Variants in PLEKHD1 observed in about 807,000 individuals in gnomAD.
PLEKHD1 encodes the protein pleckstrin homology domain-containing family D member 1.
Under a neutral mutation model 69.2 loss-of-function variants are expected in PLEKHD1, and 51 were observed. The observed-to-expected ratio is 0.74, with a 90% CI of 0.59 to 0.93. The LOEUF is 0.93. Ranked by LOEUF, PLEKHD1 falls within the 40% of genes least tolerant of loss-of-function variation. The probability of loss-of-function intolerance (pLI) is 0.00; values close to 1 mark genes in which losing one functional copy is unlikely to be tolerated. For missense variants in PLEKHD1, 584 were observed against 641.0 expected, an observed-to-expected ratio of 0.91 and a Z score of 0.96; for synonymous variants, 236 against 244.7, an observed-to-expected ratio of 0.96 and a Z score of 0.33.
intron 6 of PLEKHD1, among the ~76,000 whole-genome samples, chr14:69,503,995 G>A (rs555585575): frequency 6.6e-6 from 1 of 152,172 alleles, no homozygotes; most frequent in African/African-American, 2.4e-5. Context: ...CAGGCTGCCT[G>A]TATTTGTATT....
chr14:69,527,976 C>T lies in PLEKHD1; in HGVS notation c.1351+44C>T, dbSNP rs763207994. ...GTGCCCTGGTGGGATGGTGACAAGG[C>T]AGGAAGAGGGCAACATGGGGAGCCA... On this transcript the variant is annotated intron_variant, in intron 12 of 12. Transcript: ENST00000322564. 4.1e-5 allele frequency: 63 copies of T among 1,549,802 alleles called. No individual in the cohort carries two copies. In the Admixed American group the frequency reaches 9.8e-4, roughly 24 times the overall value.
chr14:69,484,934 G>T lies in PLEKHD1; in HGVS notation c.-32G>T, dbSNP rs1314108729. On this transcript the variant is annotated 5_prime_UTR_variant, in exon 1 of 13. Coordinates refer to ENST00000322564, the MANE Select transcript of PLEKHD1 (RefSeq NM_001161498.2). ...TCCCTGCTGACCCCGGGGAGGTGGGGTCCGGGCCGGGCACAGCCCCGCTGA... is the reference window on the plus strand; with the variant it reads ...TCCCTGCTGACCCCGGGGAGGTGGGTTCCGGGCCGGGCACAGCCCCGCTGA... 3.2e-6 allele frequency: 5 copies of T among 1,545,216 alleles called. No homozygotes were observed. The highest frequency in any genetic ancestry group is 1.4e-5 in the African/African-American group (1 of 73,060).
chr14:69,524,365 G>A (rs773470233), intron 8 of PLEKHD1, 43 bp downstream of exon 8: 1 of 1,503,046 alleles, frequency 6.7e-7, no homozygotes, highest in Admixed American at 2.0e-5. Context: ...TGGCAGGCTG[G>A]TTGGTTGGAC....
Position 69,530,825 on chromosome 14 carries a change from A to G in PLEKHD1, c.*2406A>G, listed in dbSNP as rs1391278538. 6.6e-6 allele frequency: 1 copy of G among 152,234 alleles called. No homozygotes were observed. The highest frequency in any genetic ancestry group is 2.4e-5 in the African/African-American group (1 of 41,454). 9.4% of individuals were successfully genotyped at this position (152,234 alleles called of 1,614,324 possible). On this transcript the variant is annotated 3_prime_UTR_variant, in exon 13 of 13. Transcript: ENST00000322564. The stretch of plus-strand genomic sequence containing the variant: ...CTTTTATAACAAACCCACCCCCTCG[A>G]TAATGACATTAATCCTTTCATAAGG...
Position 69,506,891 on chromosome 14 carries a change from C to CTTTTTTT in PLEKHD1, c.555+4034_555+4040dup, listed in dbSNP as rs1162412450. ...ACTGTCCTAAAAATCCTGGCAACTGCTTTTTTTTTTTTTTTTTTTTTTTTT... is the reference window on the plus strand; with the variant it reads ...ACTGTCCTAAAAATCCTGGCAACTGCTTTTTTTTTTTTTTTTTTTTTTTTTTTTTTTT... On this transcript the variant is annotated intron_variant, in intron 6 of 12. Transcript: ENST00000322564. Among the ~76,000 whole-genome samples the CTTTTTTT allele has an allele frequency of 3.0e-3, 232 of 78,054 alleles. 13 individuals carry two copies. Among genetic ancestry groups the CTTTTTTT allele is most frequent in the African/African-American group, 5.4e-3 (94 of 17,436 alleles). 51.2% of individuals were successfully genotyped at this position (78,054 alleles called of 152,430 possible).
At chr14:69,522,711 G>T (rs183278349) in intron 7 of PLEKHD1, among the ~76,000 whole-genome samples, 1 of 152,236 alleles carries the variant, frequency 6.6e-6, no homozygotes, top group Non-Finnish European at 1.5e-5. Context: ...AGAGGTGCTT[G>T]CTGTTGGCCA....
intron 6 of PLEKHD1, among the ~76,000 whole-genome samples, chr14:69,505,071 G>A (rs959092386): frequency 1.3e-5 from 2 of 152,146 alleles, no homozygotes; most frequent in African/African-American, 4.8e-5. Context: ...TTAGGACAGC[G>A]GAGACCCACT....
the PLEKHD1 span, among the ~76,000 whole-genome samples, chr14:69,468,161 A>G: frequency 6.6e-6 from 1 of 152,196 alleles, no homozygotes; most frequent in Non-Finnish European, 1.5e-5. Flanking sequence ...GACAAGGGAG[A>G]TAGTTCATGG....
At chr14:69,497,115 C>T (rs528813398) in intron 1 of PLEKHD1, among the ~76,000 whole-genome samples, 1 of 152,164 alleles carries the variant, frequency 6.6e-6, no homozygotes, top group Non-Finnish European at 1.5e-5. Context: ...CATCACTCAG[C>T]GCTGTCCTGA....
chr14:69,502,927 C>T (rs752306330), intron 6 of PLEKHD1, 48 bp downstream of exon 6: 21 of 1,542,140 alleles, frequency 1.4e-5, no homozygotes, highest in South Asian at 6.0e-5. Context: ...TAATGGCTCA[C>T]GTTTCTAGCA....
chr14:69,529,421 A>C lies in PLEKHD1; in HGVS notation c.*1002A>C, dbSNP rs1883742560. 6.6e-6 allele frequency: 1 copy of C among 152,210 alleles called. No individual in the cohort carries two copies. The allele number at this position is 152,210 out of a possible 1,614,324, so 9.4% of individuals were successfully genotyped here. A position where few individuals can be genotyped will look rare whatever the true frequency, so the allele number is the denominator to read the frequency against. On this transcript the variant is annotated 3_prime_UTR_variant, in exon 13 of 13. Transcript: ENST00000322564. Reference sequence around the variant, plus strand: ...AATAAATAGCTGGGCATGGTGGTGCATGCCTGTAGTCCCAGCTACTTGGGA... The same window carrying C: ...AATAAATAGCTGGGCATGGTGGTGCCTGCCTGTAGTCCCAGCTACTTGGGA...
the PLEKHD1 span, among the ~76,000 whole-genome samples, chr14:69,476,362 A>G: frequency 6.6e-6 from 1 of 151,516 alleles, no homozygotes; most frequent in African/African-American, 2.4e-5. Context: ...CAACGCTAGC[A>G]TGGCCAACAT....
chr14:69,500,976 T>C (rs1408546882), intron 4 of PLEKHD1, 29 bp downstream of exon 4: 3 of 1,549,224 alleles, frequency 1.9e-6, no homozygotes, highest in Non-Finnish European at 1.7e-6. Flanking sequence ...GAGGGCAGCC[T>C]GCAGATCCAG....
chr14:69,485,126 C>T lies in PLEKHD1; in HGVS notation c.149+12C>T. On this transcript the variant is annotated intron_variant, in intron 1 of 12. Coordinates refer to ENST00000322564, the MANE Select transcript of PLEKHD1 (RefSeq NM_001161498.2). Reference sequence around the variant, plus strand: ...AAGTGGTCCCGGCGGTGAGTGCGCCCCCGCGCCCCAAGGAGACCGCCGGGG... The same window carrying T: ...AAGTGGTCCCGGCGGTGAGTGCGCCTCCGCGCCCCAAGGAGACCGCCGGGG... 5 of 1,547,392 alleles carry T rather than the reference C, an allele frequency of 3.2e-6. No homozygotes were observed. Among genetic ancestry groups the T allele is most frequent in the Non-Finnish European group, 4.4e-6 (5 of 1,145,070 alleles).
At chr14:69,516,038 T>A (rs1486733909) in intron 6 of PLEKHD1, among the ~76,000 whole-genome samples, 2 of 152,242 alleles carry the variant, frequency 1.3e-5, no homozygotes, top group African/African-American at 4.8e-5. Context: ...AGACAGGGTC[T>A]CACTATGTTG....
At chr14:69,522,253 GA>G in intron 6 of PLEKHD1, 29 bp from the exon 7 acceptor site, 1 of 1,548,498 alleles carries the variant, frequency 6.5e-7, no homozygotes, top group Non-Finnish European at 8.7e-7. Context: ...TGCTGCCTGT[GA>G]CTCTTCTCTT....
At chr14:69,482,893 TA>T (rs200607778), upstream of PLEKHD1, among the ~76,000 whole-genome samples, 104 of 129,776 alleles carry the variant, frequency 8.0e-4, no homozygotes, top group Admixed American at 1.6e-3. Flanking sequence ...CCCATCTCTC[TA>T]AAAAAAAAAA....
intron 6 of PLEKHD1, among the ~76,000 whole-genome samples, chr14:69,508,735 C>T (rs1883207289): frequency 6.6e-6 from 1 of 152,172 alleles, no homozygotes; most frequent in Admixed American, 6.5e-5. Flanking sequence ...ACACAGCCCT[C>T]CATATTTATT....
At position 69,502,876 on chromosome 14, in the gene PLEKHD1, A is replaced by G; in HGVS notation, c.552A>G (p.Arg184=). 1 of 1,551,650 alleles carries G rather than the reference A, an allele frequency of 6.4e-7. No individual in the cohort carries two copies. Among genetic ancestry groups the G allele is most frequent in the Non-Finnish European group, 8.7e-7 (1 of 1,146,954 alleles). ...TEELCLQREQ[R]EELERLNQVL... The stretch of plus-strand genomic sequence containing the variant: ...AACTCTGCCTTCAGAGGGAGCAGAG[A>G]GAGGTAGGTGCACACCAAGGGGCTC... Residue 184 remains arginine (R), a synonymous_variant, in exon 6 of 13, where the codon AGA becomes AGG. Transcript: ENST00000322564.
Sources: gnomAD v4.1 joint callset for allele counts (sites outside exome capture counted in the v4.1 genomes callset) on GRCh38, gnomAD v4.1.1 for gene constraint, MANE v1.5 for transcripts, NCBI Gene and HGNC (gene_info 2026-07-23, HGNC 2026-07-21) for gene names.